The following TMCC1 variants were observed in gnomAD, a reference collection of about 807,000 sequenced individuals.
TMCC1 encodes the protein transmembrane and coiled-coil domains protein 1.
TMCC1 carries 15 observed loss-of-function variants against 52.4 expected under a neutral mutation model. The ratio of observed to expected loss-of-function variants is 0.29; its 90% CI spans 0.19 to 0.44. The LOEUF is 0.44. TMCC1 is among the 20% of genes least tolerant of loss of function. TMCC1 has a pLI of 1.00. For missense variants in TMCC1, 503 were observed against 806.0 expected, an observed-to-expected ratio of 0.62 and a Z score of 4.55; for synonymous variants, 279 against 301.9, an observed-to-expected ratio of 0.92 and a Z score of 0.79.
intron 2 of TMCC1, among the ~76,000 whole-genome samples, chr3:129,868,711 A>G (rs966302662): frequency 1.3e-5 from 2 of 152,214 alleles, no homozygotes; most frequent in African/African-American, 4.8e-5. Context: ...AAGTGCTAGG[A>G]TTACAGGCGT....
intron 4 of TMCC1, among the ~76,000 whole-genome samples, chr3:129,716,761 A>G (rs550613814): frequency 6.6e-6 from 1 of 152,222 alleles, no homozygotes; most frequent in South Asian, 2.1e-4. Context: ...CGTGCCATTC[A>G]TGCCAAGCTC....
chr3:129,890,671 T>C (rs1302877341), intron 1 of TMCC1, among the ~76,000 whole-genome samples: 1 of 152,216 alleles, frequency 6.6e-6, no homozygotes, highest in Admixed American at 6.5e-5. Flanking sequence ...AAGGCCCAGA[T>C]ACCTATATAA....
chr3:129,795,105 T>G (rs1032860944), intron 4 of TMCC1, among the ~76,000 whole-genome samples: 1 of 152,154 alleles, frequency 6.6e-6, no homozygotes, highest in African/African-American at 2.4e-5. Context: ...AGAGGCATAC[T>G]CCGACGGTGA....
intron 4 of TMCC1, among the ~76,000 whole-genome samples, chr3:129,824,323 G>T (rs976336277): frequency 6.6e-6 from 1 of 151,328 alleles, no homozygotes; most frequent in Non-Finnish European, 1.5e-5. Context: ...GTGACAGAGC[G>T]TGACTCTGTG....
chr3:129,800,860 T>C (rs1457053236), intron 4 of TMCC1, among the ~76,000 whole-genome samples: 1 of 151,660 alleles, frequency 6.6e-6, no homozygotes, highest in Non-Finnish European at 1.5e-5. Context: ...GCAAATTATA[T>C]AAATGAAATA....
chr3:129,780,173 T>C (rs2055405647), intron 4 of TMCC1, among the ~76,000 whole-genome samples: 1 of 152,104 alleles, frequency 6.6e-6, no homozygotes, highest in South Asian at 2.1e-4. Context: ...TTTACCAACA[T>C]AATGAGAAAA....
chr3:129,811,091 T>C (rs1405327877), intron 4 of TMCC1, among the ~76,000 whole-genome samples: 1 of 152,172 alleles, frequency 6.6e-6, no homozygotes, highest in Non-Finnish European at 1.5e-5. Context: ...TTCTTCTAAA[T>C]AAGCTTCTAT....
intron 4 of TMCC1, among the ~76,000 whole-genome samples, chr3:129,754,618 T>C (rs1234833121): frequency 2.0e-5 from 3 of 152,332 alleles, no homozygotes; most frequent in East Asian, 1.9e-4. Context: ...GGAGAAAAGA[T>C]AGTCTTTTAA....
At chr3:129,788,349 A>T (rs2056188377) in intron 4 of TMCC1, among the ~76,000 whole-genome samples, 1 of 152,234 alleles carries the variant, frequency 6.6e-6, no homozygotes, top group African/African-American at 2.4e-5. Context: ...ACATATTTCT[A>T]AATTAGTTTC....
chr3:129,853,680 A>G (rs1183022834), intron 2 of TMCC1, among the ~76,000 whole-genome samples: 4 of 152,066 alleles, frequency 2.6e-5, no homozygotes, highest in African/African-American at 4.8e-5. Flanking sequence ...ACTAAACAAA[A>G]TAAGAGGATA....
intron 4 of TMCC1, among the ~76,000 whole-genome samples, chr3:129,751,982 T>TG (rs1357931730): frequency 6.6e-6 from 1 of 152,224 alleles, no homozygotes; most frequent in African/African-American, 2.4e-5. Flanking sequence ...GGAACCTAAT[T>TG]GCTTTAAATG....
intron 4 of TMCC1, among the ~76,000 whole-genome samples, chr3:129,790,306 T>C (rs1001914548): frequency 6.6e-6 from 1 of 152,224 alleles, no homozygotes; most frequent in Non-Finnish European, 1.5e-5. Context: ...ATGGCATTTA[T>C]CTTTCATGTT....
chr3:129,775,963 T>C (rs1358450670), intron 4 of TMCC1, among the ~76,000 whole-genome samples: 1 of 152,142 alleles, frequency 6.6e-6, no homozygotes, highest in African/African-American at 2.4e-5. Context: ...GGATGACACA[T>C]ACCCTTCATC....
intron 4 of TMCC1, among the ~76,000 whole-genome samples, chr3:129,770,524 G>A (rs545608341): frequency 1.8e-4 from 28 of 151,998 alleles, no homozygotes; most frequent in African/African-American, 5.1e-4. Flanking sequence ...GCTGCAGTGA[G>A]CTGTGATCAC....
intron 1 of TMCC1, among the ~76,000 whole-genome samples, chr3:129,890,744 G>C (rs557174001): frequency 1.3e-5 from 2 of 152,204 alleles, no homozygotes; most frequent in African/African-American, 4.8e-5. Flanking sequence ...TTTCATATTC[G>C]TAAGAATTTT....
intron 4 of TMCC1, among the ~76,000 whole-genome samples, chr3:129,752,251 A>G (rs975336929): frequency 1.3e-5 from 2 of 152,156 alleles, no homozygotes; most frequent in African/African-American, 2.4e-5. Context: ...TCTTCCCTTT[A>G]TGGATCTGGG....
intron 4 of TMCC1, among the ~76,000 whole-genome samples, chr3:129,718,034 T>G (rs567155808): frequency 2.0e-4 from 31 of 151,794 alleles, no homozygotes; most frequent in South Asian, 4.1e-4. Flanking sequence ...TTTTGGAGAT[T>G]TGAAACAATT....
chr3:129,733,907 T>C (rs1308797825), intron 4 of TMCC1, among the ~76,000 whole-genome samples: 1 of 152,186 alleles, frequency 6.6e-6, no homozygotes, highest in Non-Finnish European at 1.5e-5. Context: ...GCAAAAATTT[T>C]AAGTGTTTGT....
intron 4 of TMCC1, among the ~76,000 whole-genome samples, chr3:129,778,937 A>G (rs1406150948): frequency 6.6e-6 from 1 of 152,074 alleles, no homozygotes; most frequent in Admixed American, 6.6e-5. Context: ...ATGAGAACAG[A>G]CTAATACAGA....
Sources: allele counts gnomAD v4.1 joint callset (sites outside exome capture counted in the v4.1 genomes callset), GRCh38; gene constraint gnomAD v4.1.1; transcripts MANE v1.5; gene names NCBI Gene and HGNC (gene_info 2026-07-23, HGNC 2026-07-21).